The following MTARC2 variants were observed in gnomAD, a reference collection of about 807,000 sequenced individuals.
MTARC2 encodes mitochondrial amidoxime reducing component 2.
Under a neutral mutation model 35.6 loss-of-function variants are expected in MTARC2, and 27 were observed. The observed-to-expected ratio is 0.76, with a 90% CI of 0.56 to 1.04. The LOEUF (loss-of-function observed/expected upper bound fraction) is 1.04, where lower values mean the gene tolerates loss of function less well. Among genes scored for constraint, MTARC2 ranks in the 50% least tolerant of loss-of-function variants. MTARC2 has a pLI of 0.00. For synonymous variants in MTARC2, 158 were observed against 167.1 expected (o/e 0.95, Z 0.42); for missense variants, 412 against 432.5 (o/e 0.95, Z 0.42).
At chr1:220,750,138 T>G (rs759643734) in intron 1 of MTARC2, among the ~76,000 whole-genome samples, 1 of 152,084 alleles carries the variant, frequency 6.6e-6, no homozygotes, top group Non-Finnish European at 1.5e-5. Flanking sequence ...CCCTGGTGAT[T>G]TTGATGCTAT....
intron 2 of MTARC2, 95 bp downstream of exon 2, chr1:220,755,215 A>G: frequency 7.7e-7 from 1 of 1,306,240 alleles, no homozygotes; most frequent in Non-Finnish European, 1.0e-6. Flanking sequence ...TCTACAGTAG[A>G]GGATGACATT....
intron 4 of MTARC2, among the ~76,000 whole-genome samples, chr1:220,769,847 CT>C (rs753815777): frequency 4.3e-4 from 54 of 125,512 alleles, no homozygotes; most frequent in Non-Finnish European, 4.4e-4. Flanking sequence ...TTGGCTTTTT[CT>C]TTTTTTTTTT....
chr1:220,775,716 C>T (rs1276217721), intron 4 of MTARC2, among the ~76,000 whole-genome samples: 1 of 152,118 alleles, frequency 6.6e-6, no homozygotes, highest in Non-Finnish European at 1.5e-5. Flanking sequence ...GTCTGTTGTT[C>T]CTTTCTTTGT....
intron 4 of MTARC2, among the ~76,000 whole-genome samples, chr1:220,774,804 C>T (rs79310052): frequency 0.024 from 3,600 of 152,288 alleles, 110 homozygotes; most frequent in African/African-American, 0.064. Context: ...CCTTGGCCTC[C>T]ATTCTCACCT....
intron 4 of MTARC2, among the ~76,000 whole-genome samples, chr1:220,767,460 C>T (rs931714705): frequency 1.3e-5 from 2 of 152,162 alleles, no homozygotes; most frequent in African/African-American, 4.8e-5. Flanking sequence ...TGTACTTTGT[C>T]CGTGTAGCTC....
At chr1:220,764,552 C>T (rs1034139977) in intron 4 of MTARC2, among the ~76,000 whole-genome samples, 2 of 152,022 alleles carry the variant, frequency 1.3e-5, no homozygotes, top group South Asian at 2.1e-4. Flanking sequence ...TTTGGGAGGC[C>T]GAAGCAGGAG....
intron 4 of MTARC2, chr1:220,770,587 C>T: frequency 4.1e-6 from 4 of 982,558 alleles, no homozygotes; most frequent in Non-Finnish European, 4.8e-6. Context: ...GAGACCATGA[C>T]CCCCCATACC....
intron 2 of MTARC2, among the ~76,000 whole-genome samples, chr1:220,756,108 T>A (rs1472107056): frequency 6.6e-6 from 1 of 152,208 alleles, no homozygotes; most frequent in Admixed American, 6.5e-5. Context: ...AAGACACACC[T>A]CAGGCCTTGG....
At chr1:220,748,859 G>C (rs575525971) in intron 1 of MTARC2, 56 bp downstream of exon 1, 121 of 1,485,986 alleles carry the variant, frequency 8.1e-5, no homozygotes, top group Non-Finnish European at 1.0e-4. Context: ...TGAGGAGCGG[G>C]GGGGCAGGTG....
intron 2 of MTARC2, among the ~76,000 whole-genome samples, chr1:220,759,932 T>G (rs1671394788): frequency 6.6e-6 from 1 of 152,120 alleles, no homozygotes; most frequent in African/African-American, 2.4e-5. Context: ...ACACAGGGGT[T>G]CATCTAACTG....
At chr1:220,760,529 T>A (rs1172063325) in intron 2 of MTARC2, among the ~76,000 whole-genome samples, 2 of 152,208 alleles carry the variant, frequency 1.3e-5, no homozygotes, top group South Asian at 2.1e-4. Flanking sequence ...ATTCTAGCAA[T>A]ATGTGAGATT....
chr1:220,761,946 T>A, intron 3 of MTARC2, 126 bp downstream of exon 3: 3 of 931,746 alleles, frequency 3.2e-6, no homozygotes, highest in Non-Finnish European at 3.3e-6. Context: ...CCCTGGTGAG[T>A]GATAATGAGG....
intron 1 of MTARC2, 152 bp downstream of exon 1, chr1:220,748,955 A>G: frequency 9.4e-7 from 1 of 1,068,924 alleles, no homozygotes; most frequent in Admixed American, 3.8e-5. Flanking sequence ...TTTATCTGGG[A>G]AGGCCAAGTT....
chr1:220,781,964 G>C, intron 7 of MTARC2, 32 bp downstream of exon 7: 3 of 1,526,832 alleles, frequency 2.0e-6, no homozygotes, highest in African/African-American at 2.8e-5. Flanking sequence ...TGAATACGCT[G>C]TCTTGAAGCC....
intron 1 of MTARC2, among the ~76,000 whole-genome samples, chr1:220,750,428 G>A (rs1261895911): frequency 6.6e-6 from 1 of 152,162 alleles, no homozygotes; most frequent in Admixed American, 6.5e-5. Context: ...CTGAAGAACG[G>A]TTTCTTTCCC....
intron 7 of MTARC2, among the ~76,000 whole-genome samples, chr1:220,782,865 G>C (rs766389959): frequency 8.5e-5 from 13 of 152,162 alleles, no homozygotes; most frequent in Non-Finnish European, 1.9e-4. Flanking sequence ...GGGAATAATA[G>C]TACTTACCAA....
intron 1 of MTARC2, 71 bp downstream of exon 1, chr1:220,748,874 C>T (rs1558060855): frequency 6.8e-7 from 1 of 1,464,380 alleles, no homozygotes; most frequent in Non-Finnish European, 9.0e-7. Context: ...CAGGTGGGGC[C>T]CGATCTATCT....
At chr1:220,749,086 A>G (rs1413466277) in intron 1 of MTARC2, among the ~76,000 whole-genome samples, 1 of 152,182 alleles carries the variant, frequency 6.6e-6, no homozygotes, top group African/African-American at 2.4e-5. Context: ...CCTTAGCTCT[A>G]AAGTTTGTGA....
intron 2 of MTARC2, among the ~76,000 whole-genome samples, chr1:220,755,882 G>T (rs1468005914): frequency 6.6e-6 from 1 of 152,172 alleles, no homozygotes; most frequent in Non-Finnish European, 1.5e-5. Flanking sequence ...CATCTTTAGG[G>T]CTTTTCTCCT....
Sources: gnomAD v4.1 joint callset for allele counts (sites outside exome capture counted in the v4.1 genomes callset) on GRCh38, gnomAD v4.1.1 for gene constraint, MANE v1.5 for transcripts, NCBI Gene and HGNC (gene_info 2026-07-23, HGNC 2026-07-21) for gene names.